Variants in OTOP3 observed in about 807,000 individuals in gnomAD.
The protein encoded by OTOP3 is otopetrin 3.
OTOP3 carries 41 observed loss-of-function variants against 50.8 expected under a neutral mutation model. The ratio of observed to expected loss-of-function variants is 0.81; its 90% CI spans 0.63 to 1.05. The LOEUF is 1.05. Ranked by LOEUF, OTOP3 falls within the 50% of genes least tolerant of loss-of-function variation. The pLI, the probability that OTOP3 is intolerant of heterozygous loss-of-function variation, is 0.00. For missense variants in OTOP3, 788 were observed against 760.8 expected (o/e 1.04, Z -0.42); for synonymous variants, 320 against 324.4 (o/e 0.99, Z 0.14).
chr17:74,941,208 T>C (rs2039168130), intron 1 of OTOP3, among the ~76,000 whole-genome samples, 185 bp from the exon 2 acceptor site: 1 of 152,290 alleles, frequency 6.6e-6, no homozygotes, highest in East Asian at 1.9e-4. Context: ...TAGGGTCTCC[T>C]GGTCTGTTTG....
At chr17:74,940,088 TACACACACACAC>T (rs35662550) in intron 1 of OTOP3, among the ~76,000 whole-genome samples, 1,802 of 122,334 alleles carry the variant, frequency 0.015, 30 homozygotes, top group African/African-American at 0.033. Flanking sequence ...ATATATATTA[TACACACACACAC>T]ACACACACAC....
At chr17:74,943,832 G>C (rs1020130884) in intron 5 of OTOP3, 108 bp downstream of exon 5, 10 of 968,088 alleles carry the variant, frequency 1.0e-5, no homozygotes, top group Admixed American at 4.5e-5. Flanking sequence ...AGGCTCAGTA[G>C]GTCTATAGAG....
chr17:74,938,920 C>CT (rs2039144403), intron 1 of OTOP3, among the ~76,000 whole-genome samples: 1 of 151,750 alleles, frequency 6.6e-6, no homozygotes, highest in Non-Finnish European at 1.5e-5. Flanking sequence ...GTAATCCCAG[C>CT]ACTTTGGGAA....
rs371651788 is a variant in OTOP3, at chr17:74,949,275, C to G, written c.1596C>G (p.His532Gln). ...TLWMMPAFGI[H>Q]PEFENGLEKD... is the part of the protein sequence containing the mutation. ...GGATGATGCCTGCATTTGGCATACA[C>G]CCGGAGTTTGAGAACGGGCTAGAAA... Residue 532 changes from histidine to glutamine, a missense_variant, in exon 7 of 7, where the codon CAC becomes CAG. By Grantham distance (24) the His-to-Gln change is conservative. Transcript: ENST00000328801. 11 of 1,613,972 alleles carry G rather than the reference C, an allele frequency of 6.8e-6. No individual in the cohort carries two copies. The highest frequency in any genetic ancestry group is 8.5e-6 in the Non-Finnish European group (10 of 1,180,000).
chr17:74,947,617 A>G lies in OTOP3; in HGVS notation c.1566+142A>G, dbSNP rs556063733. On this transcript the variant is annotated intron_variant, in intron 6 of 6. Transcript: ENST00000328801. ...TGAGAGTGTCCCCCCAGTTCCCTAC[A>G]GGGTGCCTGGCACAAATGAATGTGC... 3.9e-5 allele frequency: 33 copies of G among 856,882 alleles called. No individual in the cohort carries two copies. The South Asian group carries it at 5.5e-4, about 14-fold the overall frequency. 53.1% of individuals were successfully genotyped at this position (856,882 alleles called of 1,614,324 possible).
chr17:74,938,600 C>T (rs1408191172), intron 1 of OTOP3, among the ~76,000 whole-genome samples: 4 of 151,982 alleles, frequency 2.6e-5, no homozygotes, highest in Admixed American at 2.0e-4. Context: ...GGAGTAGGGT[C>T]AAAGACAATG....
rs1598601895 is a variant in OTOP3 at position 74,939,290 on chromosome 17, A to G, written c.20-2103A>G. 2.0e-5 allele frequency among the ~76,000 whole-genome samples: 3 copies of G among 152,328 alleles called. No homozygotes were observed. The South Asian group carries it at 6.2e-4, about 32-fold the overall frequency. On this transcript the variant is annotated intron_variant, in intron 1 of 6. Transcript: ENST00000328801. Reference sequence around the variant, plus strand: ...CAAAAAGGACACCCAGTTCTCTGCTAGGAGGTGGGGAGATGGAGATGTCAC... The same window carrying G: ...CAAAAAGGACACCCAGTTCTCTGCTGGGAGGTGGGGAGATGGAGATGTCAC...
chr17:74,945,050 C>T (rs1348028765), intron 5 of OTOP3, among the ~76,000 whole-genome samples: 1 of 151,942 alleles, frequency 6.6e-6, no homozygotes, highest in Non-Finnish European at 1.5e-5. Flanking sequence ...TGGGCTCAAG[C>T]GATCCTCCCA....
rs748339963 is a variant in OTOP3, at chr17:74,949,324, T to C, written c.1645T>C (p.Trp549Arg). ...AAAGGATTTCTACGGCTACCAGATA[T>C]GGTTCGCCATCGTCAACTTCGGCCT... is the stretch of plus-strand genomic sequence containing the variant. Reference protein sequence around the residue: ...LEKDFYGYQIWFAIVNFGLPL... With the variant: ...LEKDFYGYQIRFAIVNFGLPL... The change falls in exon 7 of 7, where the codon TGG (tryptophan) becomes CGG (arginine). Residue 549 changes from tryptophan to arginine, a missense_variant. Trp to Arg is a moderately radical substitution (Grantham distance 101). Coordinates refer to ENST00000328801, the MANE Select transcript of OTOP3 (RefSeq NM_001272005.2). The C allele has an allele frequency of 5.6e-6, 9 of 1,614,012 alleles. No individual in the cohort carries two copies. The highest frequency in any genetic ancestry group is 5.0e-5 in the Admixed American group (3 of 60,010).
Position 74,947,202 on chromosome 17 carries a change from C to T in OTOP3, c.1293C>T (p.Leu431=), listed in dbSNP as rs1467278184. ...GCCCGCATGAGCTGCTCAACCGCCT[C>T]ATCCTGGCCTACTCGCTGCTGCTCA... ...AKRPHELLNR[L]ILAYSLLLIL... is the part of the protein sequence containing the mutation. Residue 431 remains leucine (L), a synonymous_variant, in exon 6 of 7, where the codon CTC becomes CTT. Coordinates refer to ENST00000328801, the MANE Select transcript of OTOP3 (RefSeq NM_001272005.2). 9.3e-6 allele frequency: 15 copies of T among 1,614,024 alleles called. No individual in the cohort carries two copies. The highest frequency in any genetic ancestry group is 1.3e-5 in the Non-Finnish European group (15 of 1,180,022).
intron 3 of OTOP3, among the ~76,000 whole-genome samples, chr17:74,942,602 G>C (rs2039188403): frequency 6.6e-6 from 1 of 151,480 alleles, no homozygotes; most frequent in African/African-American, 2.4e-5. Context: ...CTGAGCTCCA[G>C]CCTGGGCGAC....
chr17:74,942,167 A>C (rs1318442658), intron 3 of OTOP3, 130 bp downstream of exon 3: 2 of 1,120,900 alleles, frequency 1.8e-6, no homozygotes, highest in Non-Finnish European at 2.5e-6. Context: ...GGGTCTTTGC[A>C]CACACACCAC....
chr17:74,949,402 T>C lies in OTOP3; in HGVS notation c.1723T>C (p.Tyr575His). The C allele has an allele frequency of 3.1e-6, 5 of 1,612,814 alleles. No individual in the cohort carries two copies. The highest frequency in any genetic ancestry group is 4.2e-6 in the Non-Finnish European group (5 of 1,179,748). ...MHSVGGLVEV[Y>H]LGA Reference sequence around the variant, plus strand: ...CTCTGTGGGAGGCCTGGTGGAGGTCTACCTGGGGGCCTGAGGCTGCCCACC... The same window carrying C: ...CTCTGTGGGAGGCCTGGTGGAGGTCCACCTGGGGGCCTGAGGCTGCCCACC... The change falls in exon 7 of 7, where the codon TAC becomes CAC. Residue 575 changes from tyrosine (Y) to histidine (H), a missense_variant. Tyr to His is a moderately conservative substitution (Grantham distance 83). Coordinates refer to ENST00000328801, the MANE Select transcript of OTOP3 (RefSeq NM_001272005.2).
At position 74,947,358 on chromosome 17, in the gene OTOP3, G is replaced by T; in HGVS notation, c.1449G>T (p.Glu483Asp). 1 of 1,613,066 alleles carries T rather than the reference G, an allele frequency of 6.2e-7. No homozygotes were observed. Among genetic ancestry groups the T allele is most frequent in the Non-Finnish European group, 8.5e-7 (1 of 1,180,006 alleles). Residue 483 changes from glutamate to aspartate, a missense_variant, in exon 6 of 7, where the codon GAG becomes GAT. By Grantham distance (45) the Glu-to-Asp change is conservative. Coordinates refer to ENST00000328801, the MANE Select transcript of OTOP3 (RefSeq NM_001272005.2). ...AEPPRRGSLL[E>D]LGQGLQRASL... ...CTCCCCGCAGAGGCTCCTTGCTGGAGCTGGGCCAGGGCCTGCAGCGGGCCT... is the reference window on the plus strand; with the variant it reads ...CTCCCCGCAGAGGCTCCTTGCTGGATCTGGGCCAGGGCCTGCAGCGGGCCT...
intron 5 of OTOP3, among the ~76,000 whole-genome samples, chr17:74,944,390 C>G (rs2039206659): frequency 6.6e-6 from 1 of 152,212 alleles, no homozygotes; most frequent in Non-Finnish European, 1.5e-5. Context: ...TCTATATACT[C>G]TGCTTGCATT....
At chr17:74,940,691 T>C (rs1459094990) in intron 1 of OTOP3, among the ~76,000 whole-genome samples, 1 of 152,198 alleles carries the variant, frequency 6.6e-6, no homozygotes, top group Non-Finnish European at 1.5e-5. Context: ...TGATCTGAAG[T>C]GGAACAGTTT....
intron 1 of OTOP3, among the ~76,000 whole-genome samples, chr17:74,939,004 CA>C (rs200406106): frequency 0.074 from 9,685 of 131,508 alleles, 733 homozygotes; most frequent in African/African-American, 0.2. Flanking sequence ...CCTGTCTCTG[CA>C]AAAAAAAAAA....
rs776853940 is a variant in OTOP3 at position 74,947,495 on chromosome 17, G to T, written c.1566+20G>T. 1.3e-6 allele frequency: 2 copies of T among 1,565,946 alleles called. No individual in the cohort carries two copies. Among genetic ancestry groups the T allele is most frequent in the Non-Finnish European group, 8.7e-7 (1 of 1,155,592 alleles). ...ATCACAGTAAGTGGCTGGGCTAAGG[G>T]GCCTGGAGGGTAGAGGTGGCCAGGC... is the stretch of plus-strand genomic sequence containing the variant. On this transcript the variant is annotated intron_variant, in intron 6 of 6. Coordinates refer to ENST00000328801, the MANE Select transcript of OTOP3 (RefSeq NM_001272005.2).
At chr17:74,937,134 T>C (rs1004006320) in intron 1 of OTOP3, among the ~76,000 whole-genome samples, 2 of 151,874 alleles carry the variant, frequency 1.3e-5, no homozygotes, top group Non-Finnish European at 2.9e-5. Flanking sequence ...GGCTAATTGT[T>C]TGGTATTTTT....
Sources: allele counts gnomAD v4.1 joint callset (sites outside exome capture counted in the v4.1 genomes callset), GRCh38; gene constraint gnomAD v4.1.1; transcripts MANE v1.5; gene names NCBI Gene and HGNC (gene_info 2026-07-23, HGNC 2026-07-21).